Variants in KIF21A observed in about 807,000 individuals in gnomAD.
KIF21A encodes kinesin-like protein KIF21A.
A neutral mutation model predicts 202.9 loss-of-function variants in KIF21A; 114 were observed. The observed-to-expected ratio is 0.56, with a 90% confidence interval of 0.48 to 0.66. The LOEUF is 0.66. KIF21A is among the 30% of genes least tolerant of loss of function. The probability of loss-of-function intolerance (pLI) is 0.00; values close to 1 mark genes in which losing one functional copy is unlikely to be tolerated. For synonymous variants in KIF21A, 667 were observed against 670.8 expected, an observed-to-expected ratio of 0.99 and a Z score of 0.09; for missense variants, 1,677 against 1,994.9, an observed-to-expected ratio of 0.84 and a Z score of 3.04.
chr12:39,294,400 T>C lies in KIF21A; in HGVS notation c.*24A>G. The stretch of plus-strand genomic sequence containing the variant: ...TACAGAGTATTATCACAGCATTCAG[T>C]TTACAACCTATCTTCATTCATGTTT... On this transcript the variant is annotated 3_prime_UTR_variant, in exon 38 of 38. Transcript: ENST00000361418. 6.5e-7 allele frequency: 1 copy of C among 1,536,990 alleles called. No individual in the cohort carries two copies.
At chr12:39,438,778 T>C (rs1566411496) in intron 1 of KIF21A, among the ~76,000 whole-genome samples, 1 of 152,146 alleles carries the variant, frequency 6.6e-6, no homozygotes, top group Non-Finnish European at 1.5e-5. Context: ...CAAACTAAAG[T>C]TCTTGGAAAG....
At chr12:39,350,916 A>G (rs757166885) in intron 11 of KIF21A, among the ~76,000 whole-genome samples, 1 of 152,050 alleles carries the variant, frequency 6.6e-6, no homozygotes, top group Non-Finnish European at 1.5e-5. Flanking sequence ...CATCAATTCT[A>G]CAAAGCATTC....
chr12:39,416,826 C>CATATATATGTGTATATATATGTACAT (rs1179481100), intron 1 of KIF21A, among the ~76,000 whole-genome samples: 1 of 124,760 alleles, frequency 8.0e-6, no homozygotes, highest in Non-Finnish European at 1.6e-5. Context: ...TATATATGTA[C>CATATATATGTGTATATATATGTACAT]ATATATGTGT....
At chr12:39,323,617 C>T (rs1206618908) in intron 26 of KIF21A, among the ~76,000 whole-genome samples, 1 of 152,138 alleles carries the variant, frequency 6.6e-6, no homozygotes, top group Non-Finnish European at 1.5e-5. Context: ...AACCAAGTGA[C>T]TATCCGGTTA....
rs933492785 is a variant in KIF21A, at chr12:39,333,822, T to C, written c.2419-542A>G. Among the ~76,000 whole-genome samples the C allele has an allele frequency of 1.2e-4, 18 of 152,242 alleles. No individual in the cohort carries two copies. The South Asian group carries it at 3.3e-3, about 28-fold the overall frequency. The stretch of plus-strand genomic sequence containing the variant: ...TCTGCACTGACTATTAATTTGTTTC[T>C]AGGTACTCTCAAAATAAAGATGACT... On this transcript the variant is annotated intron_variant, in intron 17 of 37. Transcript: ENST00000361418.
At chr12:39,421,495 C>G (rs1954253280) in intron 1 of KIF21A, among the ~76,000 whole-genome samples, 1 of 151,940 alleles carries the variant, frequency 6.6e-6, no homozygotes, top group South Asian at 2.1e-4. Flanking sequence ...GAGTTCAAGA[C>G]CAGCCTGGCC....
In KIF21A at chr12:39,348,909, T is replaced by TA. The variant is rs573492015; in HGVS notation, c.1674-2406dup. Among the ~76,000 whole-genome samples the TA allele has an allele frequency of 1.4e-3, 206 of 152,186 alleles. 2 individuals carry two copies. Among genetic ancestry groups the TA allele is most frequent in the Non-Finnish European group, 2.3e-3 (155 of 67,964 alleles). ...TCTCTTTAAAAATTCCAAATACCCC[T>TA]ACAAAGGAAGCTTGTTGGTTATCAG... On this transcript the variant is annotated intron_variant, in intron 11 of 37. Transcript: ENST00000361418.
At chr12:39,405,367 G>T (rs951404695) in intron 1 of KIF21A, among the ~76,000 whole-genome samples, 1 of 151,518 alleles carries the variant, frequency 6.6e-6, no homozygotes, top group Non-Finnish European at 1.5e-5. Context: ...ACAAAAGAGA[G>T]AATTTATTTT....
intron 1 of KIF21A, among the ~76,000 whole-genome samples, chr12:39,403,548 T>C (rs1952345050): frequency 6.6e-6 from 1 of 152,170 alleles, no homozygotes; most frequent in Non-Finnish European, 1.5e-5. Context: ...CTCAGCTGTT[T>C]ATTAGCTACA....
At chr12:39,401,037 T>C (rs544339639) in intron 1 of KIF21A, among the ~76,000 whole-genome samples, 30 of 152,268 alleles carry the variant, frequency 2.0e-4, no homozygotes, top group African/African-American at 6.3e-4. Context: ...CATCCACTCA[T>C]TGAAAAACCC....
intron 10 of KIF21A, among the ~76,000 whole-genome samples, chr12:39,355,711 ATATATATATATATATATATATATGT>A (rs1948727388): frequency 7.3e-6 from 1 of 137,760 alleles, no homozygotes; most frequent in African/African-American, 2.9e-5. Flanking sequence ...GAACAATTAT[ATATATATATATATATATATATATGT>A]TATATGCATA....
intron 1 of KIF21A, among the ~76,000 whole-genome samples, chr12:39,380,936 T>C (rs1175100593): frequency 1.3e-5 from 2 of 152,194 alleles, no homozygotes; most frequent in Non-Finnish European, 2.9e-5. Context: ...TTCAAAGTTC[T>C]TTCTAAATGT....
chr12:39,319,811 C>G, intron 28 of KIF21A, 95 bp downstream of exon 28: 1 of 847,110 alleles, frequency 1.2e-6, no homozygotes, highest in South Asian at 1.5e-5. Context: ...ACAGCACCAG[C>G]CTAAATCTGG....
chr12:39,394,055 T>C (rs1327568695), intron 1 of KIF21A, among the ~76,000 whole-genome samples: 5 of 152,236 alleles, frequency 3.3e-5, no homozygotes, highest in African/African-American at 9.6e-5. Flanking sequence ...TCTATACTAC[T>C]AAACCAATCT....
In KIF21A at chr12:39,303,064, A is replaced by G. The variant is rs899338229; in HGVS notation, c.4632T>C (p.Asp1544=). Residue 1544 remains aspartate, a synonymous_variant, in exon 36 of 38, where the codon GAT becomes GAC. Transcript: ENST00000361418. Reference sequence around the variant, plus strand: ...CTTGAATGGTTAGTGCTTCTATGCCATCATAATGAGGGGGTTCAAAATTGT... The same window carrying G: ...CTTGAATGGTTAGTGCTTCTATGCCGTCATAATGAGGGGGTTCAAAATTGT... ...PTHNFEPPHY[D]GIEALTIQGD... 3 of 1,613,904 alleles carry G rather than the reference A, an allele frequency of 1.9e-6. No individual in the cohort carries two copies. In the African/African-American group the frequency reaches 4.0e-5, roughly 22 times the overall value.
Position 39,294,457 on chromosome 12 carries a change from T to C in KIF21A, c.4992A>G (p.Thr1664=), listed in dbSNP as rs1942097723. The C allele has an allele frequency of 2.5e-6, 4 of 1,613,394 alleles. No individual in the cohort carries two copies. The highest frequency in any genetic ancestry group is 1.7e-5 in the Admixed American group (1 of 60,022). Reference sequence around the variant, plus strand: ...TGGCAATATCTTCCCCCAGATCTCCTGTGTCAGAGATCTGACCATCTTGCA... The same window carrying C: ...TGGCAATATCTTCCCCCAGATCTCCCGTGTCAGAGATCTGACCATCTTGCA... The part of the protein sequence containing the change: ...RNLQDGQISD[T]GDLGEDIASN Residue 1664 remains threonine, a synonymous_variant, in exon 38 of 38, where the codon ACA becomes ACG. Coordinates refer to ENST00000361418, the MANE Select transcript of KIF21A (RefSeq NM_001173464.2).
At chr12:39,296,704 G>A (rs1942407887) in intron 37 of KIF21A, among the ~76,000 whole-genome samples, 1 of 152,314 alleles carries the variant, frequency 6.6e-6, no homozygotes, top group African/African-American at 2.4e-5. Context: ...CCTCAGGCAG[G>A]AGTGGCTTTG....
intron 16 of KIF21A, 79 bp downstream of exon 16, chr12:39,340,086 A>C: frequency 9.0e-7 from 1 of 1,111,988 alleles, no homozygotes; most frequent in South Asian, 1.3e-5. Context: ...GGAAAGAACC[A>C]CAAGAGTTGT....
At chr12:39,431,001 G>A (rs1040066054) in intron 1 of KIF21A, among the ~76,000 whole-genome samples, 3 of 152,058 alleles carry the variant, frequency 2.0e-5, no homozygotes, top group African/African-American at 4.8e-5. Flanking sequence ...TGTATAAGTC[G>A]TCCCTGTTGG....
Sources: gnomAD v4.1 joint callset for allele counts (sites outside exome capture counted in the v4.1 genomes callset) on GRCh38, gnomAD v4.1.1 for gene constraint, MANE v1.5 for transcripts, NCBI Gene and HGNC (gene_info 2026-07-23, HGNC 2026-07-21) for gene names.